The following FNDC3A variants were observed in gnomAD, a reference collection of about 807,000 sequenced individuals.
FNDC3A encodes the protein fibronectin type-III domain-containing protein 3A.
FNDC3A carries 32 observed loss-of-function variants against 148.9 expected under a neutral mutation model. The observed-to-expected ratio is 0.21, with a 90% confidence interval of 0.16 to 0.29. The LOEUF (loss-of-function observed/expected upper bound fraction) is 0.29, where lower values mean the gene tolerates loss of function less well. Among genes scored for constraint, FNDC3A ranks in the 10% least tolerant of loss-of-function variants. FNDC3A has a pLI of 1.00. For synonymous variants in FNDC3A, 472 were observed against 473.6 expected (o/e 1.00, Z 0.04); for missense variants, 1,191 against 1,452.8 (o/e 0.82, Z 2.93).
intron 8 of FNDC3A, among the ~76,000 whole-genome samples, chr13:49,152,670 A>G (rs1321037872): frequency 4.3e-5 from 3 of 70,436 alleles, no homozygotes; most frequent in Non-Finnish European, 5.9e-5. Flanking sequence ...CCTCCCCCCT[A>G]CCCCCACCCC....
intron 8 of FNDC3A, among the ~76,000 whole-genome samples, chr13:49,152,080 G>A (rs1883334798): frequency 6.6e-6 from 1 of 152,162 alleles, no homozygotes; most frequent in African/African-American, 2.4e-5. Context: ...ATAATCCTTT[G>A]TGTATATACC....
chr13:49,007,582 A>G (rs1952244956), intron 2 of FNDC3A, among the ~76,000 whole-genome samples: 1 of 152,170 alleles, frequency 6.6e-6, no homozygotes, highest in Non-Finnish European at 1.5e-5. Flanking sequence ...ATAGAGTTGC[A>G]TATTCTGTTA....
At position 49,207,608 on chromosome 13, in the gene FNDC3A, T is replaced by TAACA. The variant is rs1886713499; in HGVS notation, c.*214_*215insACAA. 2.3e-6 allele frequency: 1 copy of TAACA among 436,232 alleles called. No homozygotes were observed. Among genetic ancestry groups the TAACA allele is most frequent in the East Asian group, 3.7e-5 (1 of 26,990 alleles). 27.0% of individuals were successfully genotyped at this position (436,232 alleles called of 1,614,324 possible). A position where few individuals can be genotyped will look rare whatever the true frequency, so the allele number is the denominator to read the frequency against. On this transcript the variant is annotated 3_prime_UTR_variant, in exon 26 of 26. Coordinates refer to ENST00000492622, the MANE Select transcript of FNDC3A (RefSeq NM_001079673.2). ...AAAATATCAATTTTGTTTTTTTTGT[T>TAACA]AGGGTGGGTCTTCTTTTTTTCTTTC...
intron 2 of FNDC3A, among the ~76,000 whole-genome samples, chr13:49,057,985 G>A (rs564660944): frequency 1.8e-4 from 28 of 152,164 alleles, no homozygotes; most frequent in African/African-American, 6.5e-4. Context: ...CTCAGACTGT[G>A]CCTAAGTTTA....
At chr13:49,034,895 A>C (rs1874384050) in intron 2 of FNDC3A, among the ~76,000 whole-genome samples, 1 of 152,038 alleles carries the variant, frequency 6.6e-6, no homozygotes, top group African/African-American at 2.4e-5. Context: ...ATTAACAATA[A>C]AGTAAAACAC....
intron 25 of FNDC3A, among the ~76,000 whole-genome samples, chr13:49,203,696 A>AT (rs1886520037): frequency 6.6e-6 from 1 of 152,296 alleles, no homozygotes; most frequent in South Asian, 2.1e-4. Context: ...GTGTTATTTC[A>AT]TTTGGGGCAC....
chr13:49,037,372 A>G (rs769147779), intron 2 of FNDC3A, among the ~76,000 whole-genome samples: 1 of 152,216 alleles, frequency 6.6e-6, no homozygotes, highest in Non-Finnish European at 1.5e-5. Flanking sequence ...TTAGCTAACC[A>G]TTGCTAAATG....
chr13:49,167,969 C>T (rs1056147795), intron 9 of FNDC3A, among the ~76,000 whole-genome samples: 5 of 152,048 alleles, frequency 3.3e-5, no homozygotes, highest in Admixed American at 6.6e-5. Flanking sequence ...TTTTAGGGTT[C>T]GGGATACCAA....
In FNDC3A at chr13:49,152,788, G is replaced by A. The variant is rs971748529; in HGVS notation, c.977+6853G>A. On this transcript the variant is annotated intron_variant, in intron 8 of 25. Transcript: ENST00000492622. ...GCGGTGTTTGGTTTTTTGTTCTTGC[G>A]ATAGTTTACTGAGAATGATGATTTC... is the stretch of plus-strand genomic sequence containing the variant. Among the ~76,000 whole-genome samples, 31 of 151,058 alleles carry A rather than the reference G, an allele frequency of 2.1e-4. 1 individual carries two copies. Among genetic ancestry groups the A allele is most frequent in the South Asian group, 1.0e-3 (5 of 4,766 alleles).
intron 2 of FNDC3A, among the ~76,000 whole-genome samples, chr13:49,009,696 G>T (rs1327045451): frequency 6.6e-6 from 1 of 152,136 alleles, no homozygotes; most frequent in East Asian, 1.9e-4. Flanking sequence ...AGCAAAAGTG[G>T]AATGCTCAGT....
intron 2 of FNDC3A, among the ~76,000 whole-genome samples, chr13:49,059,827 C>T (rs553587723): frequency 1.3e-5 from 2 of 152,130 alleles, no homozygotes; most frequent in African/African-American, 4.8e-5. Flanking sequence ...AACTATTACA[C>T]AGAAAAAGCC....
rs554964161 is a variant in FNDC3A, at chr13:48,978,249, C to T, written c.-40+2072C>T. Reference sequence around the variant, plus strand: ...TTTTATTACTAATTTAAAAATTTCTCCCTCTTCCCTGACCAGCCAGACATA... The same window carrying T: ...TTTTATTACTAATTTAAAAATTTCTTCCTCTTCCCTGACCAGCCAGACATA... On this transcript the variant is annotated intron_variant, in intron 1 of 25. Coordinates refer to ENST00000492622, the MANE Select transcript of FNDC3A (RefSeq NM_001079673.2). Among the ~76,000 whole-genome samples, 9 of 152,178 alleles carry T rather than the reference C, an allele frequency of 5.9e-5. No individual in the cohort carries two copies. In the South Asian group the frequency reaches 1.9e-3, roughly 32 times the overall value.
chr13:49,160,047 G>A (rs919319708), intron 8 of FNDC3A, among the ~76,000 whole-genome samples: 4 of 152,170 alleles, frequency 2.6e-5, no homozygotes, highest in East Asian at 3.9e-4. Context: ...TTTTCACATC[G>A]ATGTTCATCA....
At chr13:49,093,783 T>C (rs1879342569) in intron 3 of FNDC3A, among the ~76,000 whole-genome samples, 1 of 152,172 alleles carries the variant, frequency 6.6e-6, no homozygotes, top group African/African-American at 2.4e-5. Flanking sequence ...ACCAAATTAT[T>C]ATACCAAATA....
chr13:49,163,823 G>T (rs1884307514), intron 8 of FNDC3A, among the ~76,000 whole-genome samples: 1 of 152,214 alleles, frequency 6.6e-6, no homozygotes, highest in African/African-American at 2.4e-5. Flanking sequence ...ATTGACACGT[G>T]AGAGTGTATT....
intron 8 of FNDC3A, among the ~76,000 whole-genome samples, chr13:49,151,825 G>A (rs773256219): frequency 5.9e-5 from 9 of 152,078 alleles, no homozygotes; most frequent in East Asian, 1.9e-4. Flanking sequence ...GAGAACATGC[G>A]GTGTTTGGTT....
At chr13:49,036,553 T>G (rs147522295) in intron 2 of FNDC3A, among the ~76,000 whole-genome samples, 98 of 152,292 alleles carry the variant, frequency 6.4e-4, no homozygotes, top group African/African-American at 2.0e-3. Context: ...TTTTGTAAAT[T>G]TACTGTGGTC....
intron 1 of FNDC3A, among the ~76,000 whole-genome samples, chr13:48,985,886 T>C (rs1345883669): frequency 1.3e-5 from 2 of 152,236 alleles, no homozygotes; most frequent in African/African-American, 2.4e-5. Context: ...ATAACAAACA[T>C]AACAACACAT....
At chr13:49,036,907 A>C (rs1044300798) in intron 2 of FNDC3A, among the ~76,000 whole-genome samples, 2 of 152,336 alleles carry the variant, frequency 1.3e-5, no homozygotes, top group South Asian at 2.1e-4. Context: ...GCCAAAGAAT[A>C]GTAAGTAAGT....
Sources: gnomAD v4.1 joint callset for allele counts (sites outside exome capture counted in the v4.1 genomes callset) on GRCh38, gnomAD v4.1.1 for gene constraint, MANE v1.5 for transcripts, NCBI Gene and HGNC (gene_info 2026-07-23, HGNC 2026-07-21) for gene names.